BAZ2B: variants seen among roughly 807,000 people sequenced by gnomAD.
The protein encoded by BAZ2B is bromodomain adjacent to zinc finger domain protein 2B.
Under a neutral mutation model 246.0 loss-of-function variants are expected in BAZ2B, and 91 were observed. The ratio of observed to expected loss-of-function variants is 0.37; its 90% confidence interval spans 0.31 to 0.44. BAZ2B has a LOEUF of 0.44. Among genes scored for constraint, BAZ2B ranks in the 20% least tolerant of loss-of-function variants. The pLI, the probability that BAZ2B is intolerant of heterozygous loss-of-function variation, is 1.00. For missense variants in BAZ2B, 2,332 were observed against 2,533.7 expected (o/e 0.92, Z 1.71); for synonymous variants, 855 against 860.0 (o/e 0.99, Z 0.10).
At chr2:159,572,606 T>TTTA (rs1255251237) in intron 1 of BAZ2B, among the ~76,000 whole-genome samples, 1 of 152,162 alleles carries the variant, frequency 6.6e-6, no homozygotes, top group Non-Finnish European at 1.5e-5. Flanking sequence ...ACTCATATAT[T>TTTA]TTATTATTAT....
chr2:159,539,435 A>G (rs2086394591), intron 2 of BAZ2B, among the ~76,000 whole-genome samples: 1 of 152,260 alleles, frequency 6.6e-6, no homozygotes, highest in African/African-American at 2.4e-5. Context: ...ATTCATACAC[A>G]GCATAAAGAA....
At chr2:159,663,785 G>A in the BAZ2B span, among the ~76,000 whole-genome samples, 1 of 150,472 alleles carries the variant, frequency 6.6e-6, no homozygotes, top group Admixed American at 6.7e-5. Flanking sequence ...CAAAAATGCT[G>A]GGATTACAGG....
Position 159,349,284 on chromosome 2 carries a change from C to T in BAZ2B, c.4864-4G>A. On this transcript the variant is annotated splice_polypyrimidine_tract_variant and splice_region_variant and intron_variant, in intron 28 of 36. Transcript: ENST00000392783. ...TCATAGATACTCCACCTTTCACCTG[C>T]AAAAAGAAAACATTTATTAATGAAA... is the stretch of plus-strand genomic sequence containing the variant. 6.4e-7 allele frequency: 1 copy of T among 1,569,390 alleles called. No homozygotes were observed. The highest frequency in any genetic ancestry group is 1.2e-5 in the South Asian group (1 of 83,480).
intron 2 of BAZ2B, among the ~76,000 whole-genome samples, chr2:159,495,427 G>A (rs972060707): frequency 7.6e-6 from 1 of 131,504 alleles, no homozygotes; most frequent in Admixed American, 8.6e-5. Context: ...GGAGCTTGCA[G>A]TGAGCCGAGA....
In BAZ2B at chr2:159,422,887, A is replaced by T. The variant is rs186617503; in HGVS notation, c.2466+5054T>A. Among the ~76,000 whole-genome samples the T allele has an allele frequency of 1.2e-4, 19 of 152,334 alleles. No homozygotes were observed. In the East Asian group the frequency reaches 3.1e-3, roughly 25 times the overall value. The stretch of plus-strand genomic sequence containing the variant: ...AAAAAATAACCCCATTAAAAAATGG[A>T]CATGAACAAACACTCCTGAAAAAAA... On this transcript the variant is annotated intron_variant, in intron 13 of 36. Coordinates refer to ENST00000392783, the MANE Select transcript of BAZ2B (RefSeq NM_013450.4).
chr2:159,466,196 C>G (rs961883052), intron 3 of BAZ2B, among the ~76,000 whole-genome samples: 2 of 152,164 alleles, frequency 1.3e-5, no homozygotes, highest in Non-Finnish European at 2.9e-5. Flanking sequence ...TCAGTAATCT[C>G]AACTGATCTT....
intron 2 of BAZ2B, among the ~76,000 whole-genome samples, chr2:159,541,672 C>T (rs913519232): frequency 6.6e-6 from 1 of 152,182 alleles, no homozygotes; most frequent in Non-Finnish European, 1.5e-5. Context: ...AATCCTTGCT[C>T]TCTGTACTCC....
intron 3 of BAZ2B, among the ~76,000 whole-genome samples, chr2:159,473,758 G>GTGTCTTT (rs1485255052): frequency 6.6e-6 from 1 of 152,148 alleles, no homozygotes; most frequent in Non-Finnish European, 1.5e-5. Flanking sequence ...CTGGTACATT[G>GTGTCTTT]TGTCTTTGTT....
the BAZ2B span, chr2:159,694,008 C>A: frequency 2.0e-5 from 3 of 152,180 alleles, no homozygotes; most frequent in African/African-American, 7.2e-5. Context: ...CCCTCCCCAA[C>A]TAAATTCACG....
the BAZ2B span, among the ~76,000 whole-genome samples, chr2:159,635,286 CT>C: frequency 6.6e-6 from 1 of 152,034 alleles, no homozygotes; most frequent in African/African-American, 2.4e-5. Flanking sequence ...TAATTCTTCA[CT>C]TTTCAGCTTT....
At chr2:159,680,023 A>C in the BAZ2B span, among the ~76,000 whole-genome samples, 1 of 152,208 alleles carries the variant, frequency 6.6e-6, no homozygotes, top group Admixed American at 6.5e-5. Flanking sequence ...TATAGAAATT[A>C]TTTTCCCTTT....
chr2:159,643,322 C>T, the BAZ2B span, among the ~76,000 whole-genome samples: 6 of 152,128 alleles, frequency 3.9e-5, no homozygotes, highest in Non-Finnish European at 8.8e-5. Flanking sequence ...TACGCAGCCA[C>T]CATCTTGCTC....
At chr2:159,673,746 TCAAAA>T in the BAZ2B span, among the ~76,000 whole-genome samples, 1 of 151,412 alleles carries the variant, frequency 6.6e-6, no homozygotes, top group Non-Finnish European at 1.5e-5. Context: ...ATCAAACAAA[TCAAAA>T]CTATAAAAAA....
At chr2:159,664,027 T>TC in the BAZ2B span, among the ~76,000 whole-genome samples, 1 of 62,876 alleles carries the variant, frequency 1.6e-5, no homozygotes, top group Non-Finnish European at 3.1e-5. Flanking sequence ...CCCTCCCCCC[T>TC]CCCCCGACCC....
chr2:159,584,864 A>G (rs943350857), intron 1 of BAZ2B, among the ~76,000 whole-genome samples: 1 of 151,946 alleles, frequency 6.6e-6, no homozygotes, highest in Non-Finnish European at 1.5e-5. Flanking sequence ...TTCTTGGGAG[A>G]TCTAGTCATT....
chr2:159,447,051 A>ACTT, intron 5 of BAZ2B, 76 bp from the exon 6 acceptor site: 4 of 1,040,538 alleles, frequency 3.8e-6, no homozygotes, highest in Non-Finnish European at 5.3e-6. Context: ...AGATATATGT[A>ACTT]CAGTTGGATG....
intron 1 of BAZ2B, among the ~76,000 whole-genome samples, chr2:159,566,484 C>A (rs115821735): frequency 0.029 from 4,450 of 152,276 alleles, 344 homozygotes; most frequent in Admixed American, 0.18. Context: ...ATCTCCACTG[C>A]GCTTCCCCTT....
At chr2:159,630,852 T>C in the BAZ2B span, among the ~76,000 whole-genome samples, 4 of 152,142 alleles carry the variant, frequency 2.6e-5, no homozygotes, top group African/African-American at 4.8e-5. Flanking sequence ...CGTATTCTTA[T>C]GCTATTATTG....
chr2:159,467,675 C>A (rs371135597), intron 3 of BAZ2B, among the ~76,000 whole-genome samples: 2 of 139,698 alleles, frequency 1.4e-5, no homozygotes, highest in African/African-American at 5.1e-5. Context: ...ATTTTGGGGT[C>A]GGAGACAACT....
Sources: gnomAD v4.1 joint callset for allele counts (sites outside exome capture counted in the v4.1 genomes callset) on GRCh38, gnomAD v4.1.1 for gene constraint, MANE v1.5 for transcripts, NCBI Gene and HGNC (gene_info 2026-07-23, HGNC 2026-07-21) for gene names.